EFNA2: variants seen among roughly 807,000 people sequenced by gnomAD.
EFNA2 encodes ephrin-A2.
EFNA2 carries 18 observed loss-of-function variants against 19.7 expected under a neutral mutation model. The ratio of observed to expected loss-of-function variants is 0.91; its 90% CI spans 0.63 to 1.35. EFNA2 has a LOEUF of 1.35. Among genes scored for constraint, EFNA2 ranks in the 40% most tolerant of loss-of-function variants. The pLI, the probability that EFNA2 is intolerant of heterozygous loss-of-function variation, is 0.00. For missense variants in EFNA2, 303 were observed against 296.0 expected (o/e 1.02, Z -0.17); for synonymous variants, 187 against 137.8 (o/e 1.36, Z -2.50).
chr19:1,290,453 C>T lies in EFNA2; in HGVS notation c.140+4145C>T, dbSNP rs73494694. ...AACGCAGTGGGATTTGACCTTCCCCCGTCTCTGGGCTGACGTCTCCGCAGG... is the reference window on the plus strand; with the variant it reads ...AACGCAGTGGGATTTGACCTTCCCCTGTCTCTGGGCTGACGTCTCCGCAGG... On this transcript the variant is annotated intron_variant, in intron 1 of 3. Transcript: ENST00000215368. Among the ~76,000 whole-genome samples the T allele has an allele frequency of 9.9e-3, 1,506 of 152,304 alleles. 28 individuals are homozygous for T. The highest frequency in any genetic ancestry group is 0.035 in the African/African-American group (1,438 of 41,544).
chr19:1,300,412 G>T lies in EFNA2; in HGVS notation c.*467G>T, dbSNP rs1036459959. On this transcript the variant is annotated 3_prime_UTR_variant, in exon 4 of 4. Coordinates refer to ENST00000215368, the MANE Select transcript of EFNA2 (RefSeq NM_001405.4). ...GGAACATGGGGTCGGGAACACAGCCGCTCCCCTCTGCTCTGCACCCCACTC... is the reference window on the plus strand; with the variant it reads ...GGAACATGGGGTCGGGAACACAGCCTCTCCCCTCTGCTCTGCACCCCACTC... Among the ~76,000 whole-genome samples the T allele has an allele frequency of 2.0e-5, 3 of 150,924 alleles. No homozygotes were observed. The highest frequency in any genetic ancestry group is 4.4e-5 in the Non-Finnish European group (3 of 67,856).
Position 1,295,536 on chromosome 19 carries a change from TC to T in EFNA2, c.141-5del. 6.3e-7 allele frequency: 1 copy of T among 1,578,352 alleles called. No individual in the cohort carries two copies. Among genetic ancestry groups the T allele is most frequent in the Non-Finnish European group, 8.6e-7 (1 of 1,163,534 alleles). On this transcript the variant is annotated splice_polypyrimidine_tract_variant and splice_region_variant and intron_variant, in intron 1 of 3. Coordinates refer to ENST00000215368, the MANE Select transcript of EFNA2 (RefSeq NM_001405.4). The surrounding 1 kb of genome is among the most constrained non-coding windows in gnomAD (Gnocchi z 5.8). Reference sequence around the variant, plus strand: ...CGGGCGCTGACCTCTGGCCGCCTTGTCCCCGCAGGTTCCACGCAGGCGCGGG... The same window carrying T: ...CGGGCGCTGACCTCTGGCCGCCTTGTCCCGCAGGTTCCACGCAGGCGCGGG...
In EFNA2 at chr19:1,298,572, T is replaced by C; in HGVS notation, c.476T>C (p.Val159Ala). Reference protein sequence around the residue: ...YYISATPPNAVDRPCLRLKVY... With the variant: ...YYISATPPNAADRPCLRLKVY... ...CTAGCTGCCACGCCTCCCAATGCTG[T>C]GGACCGGCCCTGCCTGCGACTGAAG... The change falls in exon 3 of 4, where the codon GTG (valine) becomes GCG (alanine). Residue 159 changes from valine to alanine, a missense_variant. By Grantham distance (64) the Val-to-Ala change is moderately conservative. Coordinates refer to ENST00000215368, the MANE Select transcript of EFNA2 (RefSeq NM_001405.4). The C allele has an allele frequency of 6.2e-7, 1 of 1,614,050 alleles. No homozygotes were observed. The highest frequency in any genetic ancestry group is 8.5e-7 in the Non-Finnish European group (1 of 1,180,006).
chr19:1,285,133 G>T (rs2081457308), upstream of EFNA2, among the ~76,000 whole-genome samples: 1 of 152,206 alleles, frequency 6.6e-6, no homozygotes, highest in Non-Finnish European at 1.5e-5. The surrounding 1 kb of genome is among the most constrained non-coding windows in gnomAD (Gnocchi z 4.1). Flanking sequence ...TTCCCCACCT[G>T]TGTCAGCCTA....
Position 1,294,709 on chromosome 19 carries a change from G to A in EFNA2, c.141-836G>A, listed in dbSNP as rs970358241. 6.6e-6 allele frequency among the ~76,000 whole-genome samples: 1 copy of A among 151,944 alleles called. No homozygotes were observed. The highest frequency in any genetic ancestry group is 2.4e-5 in the African/African-American group (1 of 41,350). On this transcript the variant is annotated intron_variant, in intron 1 of 3. Transcript: ENST00000215368. The surrounding 1 kb of genome is among the most constrained non-coding windows in gnomAD (Gnocchi z 5.8). ...CGGAACTCTGGGGGTGCTGAGAGGA[G>A]GGTGGAGGGATTCTTCACGCCAAGC...
At position 1,299,978 on chromosome 19, in the gene EFNA2, A is replaced by C; in HGVS notation, c.*33A>C. The C allele has an allele frequency of 1.3e-6, 2 of 1,564,484 alleles. No homozygotes were observed. The highest frequency in any genetic ancestry group is 1.7e-6 in the Non-Finnish European group (2 of 1,160,178). On this transcript the variant is annotated 3_prime_UTR_variant, in exon 4 of 4. Transcript: ENST00000215368. ...CCCGCAGGACGCCGACCCTGCCTGG[A>C]CGGCCCCGCCTGGACCGCCTGACCT...
At position 1,300,842 on chromosome 19, in the gene EFNA2, GAGA is replaced by G. The variant is rs1325567830; in HGVS notation, c.*901_*903del. On this transcript the variant is annotated 3_prime_UTR_variant, in exon 4 of 4. Coordinates refer to ENST00000215368, the MANE Select transcript of EFNA2 (RefSeq NM_001405.4). Reference sequence around the variant, plus strand: ...CCTCACACGGTCCCTCTCCGAGGCCGAGAAGACCTTCTGTTCCTGTAAATACAG... The same window carrying G: ...CCTCACACGGTCCCTCTCCGAGGCCGAGACCTTCTGTTCCTGTAAATACAG... Among the ~76,000 whole-genome samples the G allele has an allele frequency of 7.2e-5, 11 of 152,248 alleles. No individual in the cohort carries two copies. The highest frequency in any genetic ancestry group is 2.0e-4 in the Admixed American group (3 of 15,286).
In EFNA2 at chr19:1,298,578, G is replaced by A. The variant is rs146775555; in HGVS notation, c.482G>A (p.Arg161Gln). 20 of 1,613,872 alleles carry A rather than the reference G, an allele frequency of 1.2e-5. No homozygotes were observed. Among genetic ancestry groups the A allele is most frequent in the African/African-American group, 1.2e-4 (9 of 74,882 alleles). The change falls in exon 3 of 4, where the codon CGG becomes CAG. Residue 161 changes from arginine to glutamine, a missense_variant. Transcript: ENST00000215368. ...ISATPPNAVD[R>Q]PCLRLKVYVR... The stretch of plus-strand genomic sequence containing the variant: ...GCCACGCCTCCCAATGCTGTGGACC[G>A]GCCCTGCCTGCGACTGAAGGTGTAC...
chr19:1,295,661 T>C lies in EFNA2; in HGVS notation c.257T>C (p.Met86Thr). The C allele has an allele frequency of 6.2e-7, 1 of 1,611,714 alleles. No homozygotes were observed. The highest frequency in any genetic ancestry group is 8.5e-7 in the Non-Finnish European group (1 of 1,179,406). Residue 86 changes from methionine (M) to threonine (T), a missense_variant, in exon 2 of 4, where the codon ATG becomes ACG. Physicochemically the swap from Met to Thr is moderately conservative, Grantham distance 81. Transcript: ENST00000215368. This position sits in a 1 kb window ranked among gnomAD's most constrained non-coding sequence, Gnocchi z 5.8. ...GCGCCGCTGCCGCCGGCCGAGCGCA[T>C]GGAGCACTACGTGCTGTACATGGTC... ...YGAPLPPAER[M>T]EHYVLYMVNG...
chr19:1,300,201 TCTC>T lies in EFNA2; in HGVS notation c.*260_*262del. ...GTGGATGCGGACCGTGGCCAGGCCA[TCTC>T]CTCTGGGGCGTCGGAGAACCCGGGA... On this transcript the variant is annotated 3_prime_UTR_variant, in exon 4 of 4. Coordinates refer to ENST00000215368, the MANE Select transcript of EFNA2 (RefSeq NM_001405.4). 3.6e-6 allele frequency: 1 copy of T among 276,498 alleles called. No individual in the cohort carries two copies. The highest frequency in any genetic ancestry group is 9.0e-5 in the East Asian group (1 of 11,112). 17.1% of individuals were successfully genotyped at this position (276,498 alleles called of 1,614,324 possible). A position where few individuals can be genotyped will look rare whatever the true frequency, so the allele number is the denominator to read the frequency against.
intron 1 of EFNA2, among the ~76,000 whole-genome samples, chr19:1,288,434 C>T (rs2081476160): frequency 6.6e-6 from 1 of 152,056 alleles, no homozygotes; most frequent in Admixed American, 6.5e-5. Context: ...AGGTGTGAGG[C>T]TGGGCTGGCC....
intron 2 of EFNA2, among the ~76,000 whole-genome samples, chr19:1,298,152 C>T (rs1003749076): frequency 6.7e-6 from 1 of 150,036 alleles, no homozygotes; most frequent in Non-Finnish European, 1.5e-5. Context: ...AGAGAGGGAG[C>T]GGCTTGTCCA....
At chr19:1,285,593 G>C (rs2144608476), upstream of EFNA2, among the ~76,000 whole-genome samples, 1 of 152,230 alleles carries the variant, frequency 6.6e-6, no homozygotes, top group East Asian at 1.9e-4. The surrounding 1 kb of genome is among the most constrained non-coding windows in gnomAD (Gnocchi z 4.1). Flanking sequence ...CAGGTGAGAG[G>C]CCCGGGACCC....
intron 1 of EFNA2, among the ~76,000 whole-genome samples, chr19:1,291,338 G>A (rs1488252835): frequency 6.6e-6 from 1 of 152,322 alleles, no homozygotes; most frequent in East Asian, 1.9e-4. Context: ...GTCCTTTCTT[G>A]GGCAGACCTT....
Position 1,286,185 on chromosome 19 carries a change from GCCCGCTGCT to G in EFNA2, c.27_35del (p.Pro10_Leu12del). 2.0e-6 allele frequency: 2 copies of G among 1,024,730 alleles called. No individual in the cohort carries two copies. The highest frequency in any genetic ancestry group is 1.2e-6 in the Non-Finnish European group (1 of 855,226). The allele number at this position is 1,024,730 out of a possible 1,614,324, so 63.5% of individuals were successfully genotyped here. A position where few individuals can be genotyped will look rare whatever the true frequency, so the allele number is the denominator to read the frequency against. ...ACCGGGGCCATGGCGCCCGCGCAGC[GCCCGCTGCT>G]CCCGCTGCTGCTCCTGCTGTTACCG... On this transcript the variant is annotated inframe_deletion, in exon 1 of 4. Coordinates refer to ENST00000215368, the MANE Select transcript of EFNA2 (RefSeq NM_001405.4). The surrounding 1 kb of genome is among the most constrained non-coding windows in gnomAD (Gnocchi z 5.6).
In EFNA2 at chr19:1,300,241, ATTTTTTTTTTTTTTTTTTTTT is replaced by A. The variant is rs58281257; in HGVS notation, c.*311_*331del. On this transcript the variant is annotated 3_prime_UTR_variant, in exon 4 of 4. Coordinates refer to ENST00000215368, the MANE Select transcript of EFNA2 (RefSeq NM_001405.4). The stretch of plus-strand genomic sequence containing the variant: ...CGGAGAACCCGGGAACCTCTTGGCG[ATTTTTTTTTTTTTTTTTTTTT>A]TTTTTTTTTTTTTTAGTGTATTTTT... 8 of 42,696 alleles carry A rather than the reference ATTTTTTTTTTTTTTTTTTTTT, an allele frequency of 1.9e-4. No individual in the cohort carries two copies. The highest frequency in any genetic ancestry group is 2.3e-4 in the Non-Finnish European group (5 of 22,158). The allele number at this position is 42,696 out of a possible 1,614,324, so 2.6% of individuals were successfully genotyped here. A position where few individuals can be genotyped will look rare whatever the true frequency, so the allele number is the denominator to read the frequency against.
intron 2 of EFNA2, 78 bp from the exon 3 acceptor site, chr19:1,298,472 TG>T: frequency 4.1e-6 from 6 of 1,470,944 alleles, no homozygotes; most frequent in Non-Finnish European, 5.6e-6. Context: ...TTCACCAAGG[TG>T]GGGAAGGGAG....
At chr19:1,285,121 A>G (rs1156930519), upstream of EFNA2, among the ~76,000 whole-genome samples, 1 of 152,194 alleles carries the variant, frequency 6.6e-6, no homozygotes, top group Non-Finnish European at 1.5e-5. The surrounding 1 kb of genome is among the most constrained non-coding windows in gnomAD (Gnocchi z 4.1). Context: ...CCAGGCCCCC[A>G]GTTCCCCACC....
At position 1,296,820 on chromosome 19, in the gene EFNA2, G is replaced by A. The variant is rs779324075; in HGVS notation, c.454+962G>A. 2.0e-5 allele frequency among the ~76,000 whole-genome samples: 3 copies of A among 152,170 alleles called. No homozygotes were observed. The highest frequency in any genetic ancestry group is 7.2e-5 in the African/African-American group (3 of 41,438). The stretch of plus-strand genomic sequence containing the variant: ...GGTCTTCATCTGAAGGTTGGGTGGC[G>A]GCAGCCTTGGGGATAGTCACATCTG... On this transcript the variant is annotated intron_variant, in intron 2 of 3. Transcript: ENST00000215368. The surrounding 1 kb of genome is among the most constrained non-coding windows in gnomAD (Gnocchi z 4.4).
Sources: gnomAD v4.1 joint callset for allele counts (sites outside exome capture counted in the v4.1 genomes callset) on GRCh38, gnomAD v4.1.1 for gene constraint, Gnocchi (gnomAD v3.1) non-coding constraint, MANE v1.5 for transcripts, NCBI Gene and HGNC (gene_info 2026-07-23, HGNC 2026-07-21) for gene names.